Variants in ARFIP1 observed in about 807,000 individuals in gnomAD.
The protein encoded by ARFIP1 is ARF interacting protein 1, also known as arfaptin-1.
In ARFIP1, 24 loss-of-function variants were observed where a neutral mutation model predicts 42.5. That is an observed-to-expected ratio of 0.57 (90% confidence interval 0.41 to 0.80). The LOEUF is 0.80. Among genes scored for constraint, ARFIP1 ranks in the 30% least tolerant of loss-of-function variants. The pLI, the probability that ARFIP1 is intolerant of heterozygous loss-of-function variation, is 0.00. For synonymous variants in ARFIP1, 141 were observed against 153.7 expected, an observed-to-expected ratio of 0.92 and a Z score of 0.61; for missense variants, 354 against 434.0, an observed-to-expected ratio of 0.82 and a Z score of 1.64.
At chr4:152,831,491 C>G (rs1333888711) in intron 2 of ARFIP1, among the ~76,000 whole-genome samples, 1 of 152,214 alleles carries the variant, frequency 6.6e-6, no homozygotes, top group East Asian at 1.9e-4. Context: ...GCAGAAAGCA[C>G]AAATGTTAAG....
Position 152,820,701 on chromosome 4 carries a change from C to T in ARFIP1, c.-9-8924C>T, listed in dbSNP as rs149108004. 5.8e-4 allele frequency among the ~76,000 whole-genome samples: 88 copies of T among 152,282 alleles called. 6 individuals carry two copies. The East Asian group carries it at 0.017, about 29-fold the overall frequency. On this transcript the variant is annotated intron_variant, in intron 1 of 8. Transcript: ENST00000353617. ...CAAGAACAGCAAGGGGGAAATCTGC[C>T]CCCATGATCCAATCACCTCCCACCA...
At chr4:152,903,431 A>T (rs1738013834) in intron 8 of ARFIP1, among the ~76,000 whole-genome samples, 1 of 152,184 alleles carries the variant, frequency 6.6e-6, no homozygotes, top group Admixed American at 6.5e-5. Flanking sequence ...TTTAGAAAAA[A>T]AAATAGCTTC....
intron 2 of ARFIP1, among the ~76,000 whole-genome samples, chr4:152,855,371 G>A (rs1418470590): frequency 6.6e-6 from 1 of 152,172 alleles, no homozygotes; most frequent in Admixed American, 6.5e-5. Context: ...GGGGTGGGGT[G>A]CAGAATGCGT....
intron 1 of ARFIP1, among the ~76,000 whole-genome samples, chr4:152,811,868 G>A (rs1729494097): frequency 6.7e-6 from 1 of 148,260 alleles, no homozygotes; most frequent in Non-Finnish European, 1.5e-5. Context: ...TTTGTATGTT[G>A]GCTGTTAATT....
intron 8 of ARFIP1, among the ~76,000 whole-genome samples, chr4:152,894,914 G>T (rs1299816271): frequency 6.6e-6 from 1 of 152,198 alleles, no homozygotes; most frequent in Non-Finnish European, 1.5e-5. Context: ...GTGAGAAACT[G>T]AGAACCAGAG....
intron 5 of ARFIP1, among the ~76,000 whole-genome samples, chr4:152,877,454 C>T (rs1459857974): frequency 6.6e-6 from 1 of 152,104 alleles, no homozygotes; most frequent in East Asian, 1.9e-4. Flanking sequence ...ATACCTGTAC[C>T]CCCATTGTAT....
intron 2 of ARFIP1, among the ~76,000 whole-genome samples, chr4:152,835,444 A>G (rs1731572472): frequency 6.6e-6 from 1 of 152,180 alleles, no homozygotes; most frequent in Non-Finnish European, 1.5e-5. Context: ...AGGGTATACC[A>G]TGGGTGACTT....
At chr4:152,783,391 T>A (rs1730617167) in intron 1 of ARFIP1, among the ~76,000 whole-genome samples, 1 of 152,238 alleles carries the variant, frequency 6.6e-6, no homozygotes, top group African/African-American at 2.4e-5. Context: ...ATATTTTATA[T>A]CTAACACTGT....
At position 152,782,136 on chromosome 4, in the gene ARFIP1, A is replaced by G. The variant is rs558322937; in HGVS notation, c.-10+1910A>G. ...GTGTGTATGTGTGTGTGCTTTCCCA[A>G]ACTGTGCAAAGGAGATATATAGCTT... On this transcript the variant is annotated intron_variant, in intron 1 of 8. Coordinates refer to ENST00000353617, the MANE Select transcript of ARFIP1 (RefSeq NM_001025595.3). 1.3e-5 allele frequency among the ~76,000 whole-genome samples: 2 copies of G among 151,306 alleles called. 1 individual carries two copies. Among genetic ancestry groups the G allele is most frequent in the African/African-American group, 4.9e-5 (2 of 40,994 alleles).
intron 1 of ARFIP1, among the ~76,000 whole-genome samples, chr4:152,819,908 G>A (rs1455557863): frequency 6.6e-6 from 1 of 152,082 alleles, no homozygotes; most frequent in Admixed American, 6.5e-5. Context: ...CAGCATTTCT[G>A]GAACATTTCA....
intron 2 of ARFIP1, among the ~76,000 whole-genome samples, chr4:152,834,877 C>CT (rs1731526306): frequency 6.6e-6 from 1 of 152,226 alleles, no homozygotes; most frequent in Non-Finnish European, 1.5e-5. Flanking sequence ...CACCTACAGG[C>CT]TTAACACCAC....
chr4:152,865,674 A>G (rs556368078), intron 3 of ARFIP1, among the ~76,000 whole-genome samples: 1 of 152,096 alleles, frequency 6.6e-6, no homozygotes, highest in Non-Finnish European at 1.5e-5. Context: ...CTTAGTAGTC[A>G]TTCTGAAGCA....
At position 152,808,479 on chromosome 4, in the gene ARFIP1, A is replaced by G. The variant is rs1279539273; in HGVS notation, c.-9-21146A>G. ...TGCCTTTTAATGGACATGTGTATTT[A>G]TATTTCTTGGGTATATTTCCTAGGA... On this transcript the variant is annotated intron_variant, in intron 1 of 8. Coordinates refer to ENST00000353617, the MANE Select transcript of ARFIP1 (RefSeq NM_001025595.3). Among the ~76,000 whole-genome samples the G allele has an allele frequency of 4.6e-4, 70 of 150,780 alleles. 2 individuals are homozygous for G. The highest frequency in any genetic ancestry group is 7.4e-5 in the Non-Finnish European group (5 of 67,710).
chr4:152,813,410 GT>G (rs1729624800), intron 1 of ARFIP1, among the ~76,000 whole-genome samples: 1 of 151,920 alleles, frequency 6.6e-6, no homozygotes, highest in African/African-American at 2.4e-5. Context: ...TTTTTTGTTT[GT>G]TTTTATGCTT....
rs1198261913 is a variant in ARFIP1 at position 152,911,405 on chromosome 4, G to T, written c.*1186G>T. ...AAGAGGTAATTTGGGACAGTGTGGT[G>T]GTACCAGGAAGAAAGAGGATTGGAA... On this transcript the variant is annotated 3_prime_UTR_variant, in exon 9 of 9. Transcript: ENST00000353617. 1 of 152,376 alleles carries T rather than the reference G, an allele frequency of 6.6e-6. No individual in the cohort carries two copies. Among genetic ancestry groups the T allele is most frequent in the Non-Finnish European group, 1.5e-5 (1 of 68,034 alleles). The allele number at this position is 152,376 out of a possible 1,614,324, so 9.4% of individuals were successfully genotyped here. A position where few individuals can be genotyped will look rare whatever the true frequency, so the allele number is the denominator to read the frequency against.
intron 4 of ARFIP1, among the ~76,000 whole-genome samples, chr4:152,871,423 A>G (rs1327588899): frequency 1.3e-5 from 2 of 152,172 alleles, no homozygotes; most frequent in South Asian, 2.1e-4. Flanking sequence ...AAAATGGGAG[A>G]AAAAATGAAC....
intron 2 of ARFIP1, among the ~76,000 whole-genome samples, chr4:152,832,880 A>G (rs530453016): frequency 6.6e-6 from 1 of 152,352 alleles, no homozygotes; most frequent in Admixed American, 6.5e-5. Flanking sequence ...ATCTTACACC[A>G]TACACAAAAC....
intron 8 of ARFIP1, among the ~76,000 whole-genome samples, chr4:152,905,554 T>TTTTTTTTTTTTTTTTTG (rs1738269548): frequency 8.7e-6 from 1 of 114,486 alleles, no homozygotes; most frequent in Non-Finnish European, 1.8e-5. Flanking sequence ...TGTTTTTTTT[T>TTTTTTTTTTTTTTTTTG]TTTTTTTTTT....
chr4:152,833,242 CAAAA>C (rs141860697), intron 2 of ARFIP1, among the ~76,000 whole-genome samples: 1 of 136,288 alleles, frequency 7.3e-6, no homozygotes, highest in Non-Finnish European at 1.6e-5. Context: ...AGACATTTTT[CAAAA>C]AAAAAAAAAA....
Sources: gnomAD v4.1 joint callset for allele counts (sites outside exome capture counted in the v4.1 genomes callset) on GRCh38, gnomAD v4.1.1 for gene constraint, MANE v1.5 for transcripts, NCBI Gene and HGNC (gene_info 2026-07-23, HGNC 2026-07-21) for gene names.